Variants in C9orf85 observed in about 807,000 individuals in gnomAD.
C9orf85 encodes the protein chromosome 9 open reading frame 85.
Under a neutral mutation model 14.9 loss-of-function variants are expected in C9orf85, and 16 were observed. That is an observed-to-expected ratio of 1.08 (90% CI 0.73 to 1.63). The LOEUF (loss-of-function observed/expected upper bound fraction) is 1.63, where lower values mean the gene tolerates loss of function less well. Among genes scored for constraint, C9orf85 ranks in the 40% most tolerant of loss-of-function variants. C9orf85 has a pLI of 0.00. For missense variants in C9orf85, 172 were observed against 186.1 expected, an observed-to-expected ratio of 0.92 and a Z score of 0.44; for synonymous variants, 45 against 56.8, an observed-to-expected ratio of 0.79 and a Z score of 0.93.
At chr9:71,974,630 T>C (rs1822970301), downstream of C9orf85, among the ~76,000 whole-genome samples, 1 of 152,228 alleles carries the variant, frequency 6.6e-6, no homozygotes, top group South Asian at 2.1e-4. Flanking sequence ...CATTGTTACA[T>C]GTGTCTGTTG....
At chr9:71,916,447 A>G (rs563831005) in intron 1 of C9orf85, among the ~76,000 whole-genome samples, 2 of 152,270 alleles carry the variant, frequency 1.3e-5, no homozygotes, top group Non-Finnish European at 2.9e-5. Flanking sequence ...GGGTCGTAGT[A>G]TACATTGGAA....
At chr9:71,970,832 T>TA (rs1272792386) in intron 2 of C9orf85, among the ~76,000 whole-genome samples, 2 of 150,748 alleles carry the variant, frequency 1.3e-5, no homozygotes, top group African/African-American at 4.9e-5. Context: ...ATTAAGTCTT[T>TA]TTTTTTTTTT....
intron 1 of C9orf85, among the ~76,000 whole-genome samples, chr9:71,916,970 A>G (rs1351704831): frequency 6.6e-6 from 1 of 152,220 alleles, no homozygotes; most frequent in Non-Finnish European, 1.5e-5. Context: ...TAACCCTAAG[A>G]TAGATGCAAA....
chr9:71,921,017 C>T (rs1051866044), intron 1 of C9orf85, among the ~76,000 whole-genome samples: 6 of 152,052 alleles, frequency 3.9e-5, no homozygotes, highest in Admixed American at 1.3e-4. Context: ...ACACAACTGA[C>T]CAGCAGTAAC....
At chr9:71,948,763 A>G (rs1822165983) in intron 2 of C9orf85, among the ~76,000 whole-genome samples, 1 of 148,316 alleles carries the variant, frequency 6.7e-6, no homozygotes, top group African/African-American at 2.5e-5. Context: ...ACCTGAAGTG[A>G]TCCACCCACC....
intron 2 of C9orf85, among the ~76,000 whole-genome samples, chr9:71,959,635 G>A (rs578056506): frequency 6.6e-6 from 1 of 152,082 alleles, no homozygotes; most frequent in Non-Finnish European, 1.5e-5. Flanking sequence ...TTAATGTCAG[G>A]TCCCTAACTT....
At chr9:71,924,250 C>T (rs1827881774) in intron 1 of C9orf85, among the ~76,000 whole-genome samples, 1 of 152,120 alleles carries the variant, frequency 6.6e-6, no homozygotes. Flanking sequence ...AATTCTTTTC[C>T]AATTTATCTG....
intron 2 of C9orf85, among the ~76,000 whole-genome samples, chr9:71,963,480 C>G (rs1481248403): frequency 6.6e-6 from 1 of 152,198 alleles, no homozygotes; most frequent in Admixed American, 6.5e-5. Flanking sequence ...ATTGTGGTAG[C>G]CCCTTTCTGG....
chr9:71,980,139 G>A (rs1293570239), intron 3 of C9orf85, among the ~76,000 whole-genome samples: 1 of 151,556 alleles, frequency 6.6e-6, no homozygotes, highest in Non-Finnish European at 1.5e-5. Flanking sequence ...TCAGCCTTCA[G>A]GGTAGCTAGG....
chr9:71,961,616 G>A (rs967789494), intron 2 of C9orf85, among the ~76,000 whole-genome samples: 6 of 152,136 alleles, frequency 3.9e-5, no homozygotes, highest in Non-Finnish European at 8.8e-5. Flanking sequence ...TTCTAGAGTG[G>A]AGTTTTAGTC....
chr9:71,972,736 T>C lies in C9orf85; in HGVS notation c.368T>C (p.Leu123Pro). Residue 123 changes from leucine (L) to proline (P), a missense_variant, in exon 4 of 4, where the codon CTA becomes CCA. Physicochemically the swap from Leu to Pro is moderately conservative, Grantham distance 98 (BLOSUM62 -3). Coordinates refer to ENST00000334731, the MANE Select transcript of C9orf85 (RefSeq NM_182505.5). ...AAAATAGAACATACTGAAAATAATC[T>C]AAGTTCCAACCATAGAAGAAGCTGC... ...TEKIEHTENNLSSNHRRSCRR... is the reference protein window; with the variant it reads ...TEKIEHTENNPSSNHRRSCRR... 1 of 1,604,680 alleles carries C rather than the reference T, an allele frequency of 6.2e-7. No homozygotes were observed.
chr9:71,962,105 T>A (rs1178618392), intron 2 of C9orf85, among the ~76,000 whole-genome samples: 1 of 152,042 alleles, frequency 6.6e-6, no homozygotes, highest in Non-Finnish European at 1.5e-5. Context: ...AGTTGAGGCT[T>A]CAATGAGCTG....
intron 3 of C9orf85, 129 bp downstream of exon 3, chr9:71,971,747 G>A (rs1822873568): frequency 1.8e-6 from 1 of 565,340 alleles, no homozygotes; most frequent in African/African-American, 2.0e-5. Flanking sequence ...GCCAAGGCAG[G>A]TGGATCACGA....
intron 2 of C9orf85, among the ~76,000 whole-genome samples, chr9:71,958,482 G>A (rs1464654954): frequency 1.3e-5 from 2 of 151,778 alleles, no homozygotes; most frequent in African/African-American, 2.4e-5. Context: ...GGCTGGTCTC[G>A]AACTCTTGAC....
chr9:71,939,688 A>G (rs1828282818), intron 1 of C9orf85, among the ~76,000 whole-genome samples: 1 of 152,188 alleles, frequency 6.6e-6, no homozygotes, highest in African/African-American at 2.4e-5. Context: ...AGTTGGAAGA[A>G]TTGAAGTACT....
chr9:71,925,292 G>A (rs761527067), intron 1 of C9orf85, among the ~76,000 whole-genome samples: 16 of 152,222 alleles, frequency 1.1e-4, no homozygotes, highest in East Asian at 3.9e-4. Context: ...AGGCCAAGGC[G>A]GGTGGATCAC....
intron 1 of C9orf85, 63 bp downstream of exon 1, chr9:71,911,899 G>T: frequency 7.2e-7 from 1 of 1,397,542 alleles, no homozygotes; most frequent in South Asian, 1.2e-5. Context: ...GGAGAGGGGA[G>T]AGAGGAAATG....
intron 1 of C9orf85, among the ~76,000 whole-genome samples, chr9:71,912,232 C>T (rs140848364): frequency 3.3e-5 from 5 of 152,164 alleles, no homozygotes; most frequent in Non-Finnish European, 7.4e-5. Flanking sequence ...TTCCAAAAAC[C>T]CCAAGCCCAT....
At chr9:71,948,193 T>A (rs941541593) in intron 2 of C9orf85, among the ~76,000 whole-genome samples, 1 of 152,194 alleles carries the variant, frequency 6.6e-6, no homozygotes, top group Non-Finnish European at 1.5e-5. Flanking sequence ...TTCTGACTAT[T>A]CAATAGTTTC....
Sources: allele counts gnomAD v4.1 joint callset (sites outside exome capture counted in the v4.1 genomes callset), GRCh38; gene constraint gnomAD v4.1.1; transcripts MANE v1.5; gene names NCBI Gene and HGNC (gene_info 2026-07-23, HGNC 2026-07-21).